RIMS3: variants seen among roughly 807,000 people sequenced by gnomAD.
RIMS3 encodes the protein regulating synaptic membrane exocytosis 3.
RIMS3 carries 15 observed loss-of-function variants against 29.2 expected under a neutral mutation model. The ratio of observed to expected loss-of-function variants is 0.51; its 90% CI spans 0.34 to 0.79. The LOEUF (loss-of-function observed/expected upper bound fraction) is 0.79, where lower values mean the gene tolerates loss of function less well. RIMS3 is among the 30% of genes least tolerant of loss of function. The pLI, the probability that RIMS3 is intolerant of heterozygous loss-of-function variation, is 0.01. For missense variants in RIMS3, 342 were observed against 421.4 expected, an observed-to-expected ratio of 0.81 and a Z score of 1.65; for synonymous variants, 161 against 170.1, an observed-to-expected ratio of 0.95 and a Z score of 0.41.
chr1:40,666,659 C>T (rs1642429870), upstream of RIMS3, among the ~76,000 whole-genome samples: 1 of 152,146 alleles, frequency 6.6e-6, no homozygotes, highest in Non-Finnish European at 1.5e-5. Flanking sequence ...CACCCACTGA[C>T]AGAGAGGACA....
upstream of RIMS3, among the ~76,000 whole-genome samples, chr1:40,665,995 C>A (rs1354303148): frequency 6.6e-6 from 1 of 152,214 alleles, no homozygotes; most frequent in Non-Finnish European, 1.5e-5. Context: ...CAGGACCTCA[C>A]AGGCACCACG....
intron 1 of RIMS3, among the ~76,000 whole-genome samples, chr1:40,652,908 G>A (rs1281071285): frequency 3.3e-5 from 5 of 152,194 alleles, no homozygotes; most frequent in South Asian, 2.1e-4. Flanking sequence ...AAGAGGAAAC[G>A]GGGCCAGGAG....
chr1:40,670,446 C>T (rs189786656), upstream of RIMS3, among the ~76,000 whole-genome samples: 3 of 151,578 alleles, frequency 2.0e-5, no homozygotes, highest in African/African-American at 4.8e-5. Flanking sequence ...AGTTGCTTCT[C>T]TGAGTTTCTG....
intron 1 of RIMS3, among the ~76,000 whole-genome samples, chr1:40,655,001 G>A (rs1557682892): frequency 6.6e-6 from 1 of 152,146 alleles, no homozygotes; most frequent in East Asian, 1.9e-4. Context: ...GGAGGGGGCA[G>A]ACAGGACTTC....
At chr1:40,644,623 GCT>G (rs1196209036) in intron 2 of RIMS3, among the ~76,000 whole-genome samples, 1 of 152,208 alleles carries the variant, frequency 6.6e-6, no homozygotes, top group African/African-American at 2.4e-5. Context: ...GGAGTCCATG[GCT>G]CTGTTTTTAA....
Position 40,636,435 on chromosome 1 carries a change from ACT to A in RIMS3, c.218-380_218-379del, listed in dbSNP as rs143946085. Among the ~76,000 whole-genome samples, 1,901 of 151,672 alleles carry A rather than the reference ACT, an allele frequency of 0.013. 58 individuals carry two copies. The highest frequency in any genetic ancestry group is 0.044 in the African/African-American group (1,826 of 41,318). On this transcript the variant is annotated intron_variant, in intron 3 of 7. Transcript: ENST00000372684. This position sits in a 1 kb window ranked among gnomAD's most constrained non-coding sequence, Gnocchi z 4.2. Reference sequence around the variant, plus strand: ...CCAAAGGTTAAGTGTGCCTCTTCCCACTCTCTTCTGGAAAGTTCATCTTCTCT... The same window carrying A: ...CCAAAGGTTAAGTGTGCCTCTTCCCACTCTTCTGGAAAGTTCATCTTCTCT...
At chr1:40,685,600 C>G in the RIMS3 span, among the ~76,000 whole-genome samples, 2 of 151,930 alleles carry the variant, frequency 1.3e-5, no homozygotes, top group South Asian at 4.2e-4. Context: ...ATCCCAGGAA[C>G]AGTCCTGTCC....
chr1:40,673,633 G>A, the RIMS3 span, among the ~76,000 whole-genome samples: 1 of 152,106 alleles, frequency 6.6e-6, no homozygotes, highest in Non-Finnish European at 1.5e-5. Context: ...TTTACAGTGA[G>A]CCTTGCCAAC....
chr1:40,629,019 C>G (rs1557664751), intron 6 of RIMS3, 70 bp from the exon 7 acceptor site: 1 of 1,585,698 alleles, frequency 6.3e-7, no homozygotes, highest in Non-Finnish European at 8.6e-7. Flanking sequence ...CATCCCCTAA[C>G]TGCCAGGTGA....
intron 1 of RIMS3, among the ~76,000 whole-genome samples, chr1:40,650,156 G>A (rs1646621726): frequency 6.6e-6 from 1 of 152,142 alleles, no homozygotes; most frequent in African/African-American, 2.4e-5. Context: ...ACCCAGGGCT[G>A]GGTGAGCCGT....
intron 2 of RIMS3, among the ~76,000 whole-genome samples, chr1:40,646,076 T>C (rs1646593129): frequency 1.3e-5 from 2 of 152,180 alleles, no homozygotes; most frequent in African/African-American, 4.8e-5. Flanking sequence ...ACAGATTCCT[T>C]ATGTGAACTC....
intron 1 of RIMS3, among the ~76,000 whole-genome samples, chr1:40,655,640 C>T (rs1358253297): frequency 1.3e-5 from 2 of 152,220 alleles, no homozygotes; most frequent in Non-Finnish European, 2.9e-5. Context: ...TTTCCGACAT[C>T]CCCATACCAC....
chr1:40,685,653 TG>T, the RIMS3 span, among the ~76,000 whole-genome samples: 37 of 152,004 alleles, frequency 2.4e-4, no homozygotes, highest in African/African-American at 8.7e-4. Flanking sequence ...GAGCAGCGTA[TG>T]GGAAGTAAGA....
chr1:40,659,485 G>A (rs1642320847), intron 1 of RIMS3, among the ~76,000 whole-genome samples: 1 of 152,176 alleles, frequency 6.6e-6, no homozygotes, highest in Admixed American at 6.6e-5. Context: ...GCAAGGACCA[G>A]TTAGGAGGCT....
chr1:40,634,180 T>C (rs1334014154), intron 4 of RIMS3, among the ~76,000 whole-genome samples: 2 of 151,928 alleles, frequency 1.3e-5, no homozygotes, highest in Admixed American at 6.6e-5. Flanking sequence ...GCTGCAGAGA[T>C]AAAAGGCTGT....
intron 4 of RIMS3, among the ~76,000 whole-genome samples, chr1:40,634,616 G>A (rs559601172): frequency 1.3e-5 from 2 of 152,216 alleles, no homozygotes; most frequent in East Asian, 3.9e-4. Flanking sequence ...GGAGATAATG[G>A]TAATACCCAC....
At chr1:40,650,735 A>C (rs1234124051) in intron 1 of RIMS3, among the ~76,000 whole-genome samples, 1 of 151,624 alleles carries the variant, frequency 6.6e-6, no homozygotes, top group Non-Finnish European at 1.5e-5. Flanking sequence ...ATGTGATGGC[A>C]CACACCTGTA....
At chr1:40,688,327 C>A in the RIMS3 span, among the ~76,000 whole-genome samples, 1 of 152,252 alleles carries the variant, frequency 6.6e-6, no homozygotes, top group South Asian at 2.1e-4. Context: ...TAAGGAAGTC[C>A]AGCTGGCTGT....
chr1:40,632,563 A>C (rs891353299), intron 5 of RIMS3, among the ~76,000 whole-genome samples: 2 of 151,122 alleles, frequency 1.3e-5, no homozygotes, highest in African/African-American at 2.4e-5. Flanking sequence ...CTTCCTTTGC[A>C]TGGATTCAGG....
Sources: gnomAD v4.1 joint callset for allele counts (sites outside exome capture counted in the v4.1 genomes callset) on GRCh38, gnomAD v4.1.1 for gene constraint, Gnocchi (gnomAD v3.1) non-coding constraint, MANE v1.5 for transcripts, NCBI Gene and HGNC (gene_info 2026-07-23, HGNC 2026-07-21) for gene names.